Variants in NDUFAF1 observed in about 807,000 individuals in gnomAD.
NDUFAF1 encodes the protein complex I intermediate-associated protein 30, mitochondrial.
NDUFAF1 carries 18 observed loss-of-function variants against 28.7 expected under a neutral mutation model. The observed-to-expected ratio is 0.63, with a 90% CI of 0.43 to 0.93. The LOEUF is 0.93. Ranked by LOEUF, NDUFAF1 falls within the 40% of genes least tolerant of loss-of-function variation. The probability of loss-of-function intolerance (pLI) is 0.00; values close to 1 mark genes in which losing one functional copy is unlikely to be tolerated. For synonymous variants in NDUFAF1, 113 were observed against 139.7 expected, an observed-to-expected ratio of 0.81 and a Z score of 1.35; for missense variants, 404 against 398.3, an observed-to-expected ratio of 1.01 and a Z score of -0.12.
At position 41,400,369 on chromosome 15, in the gene NDUFAF1, C is replaced by CAA. The variant is rs1179539276; in HGVS notation, c.-82+1773_-82+1774dup. 3.9e-3 allele frequency among the ~76,000 whole-genome samples: 355 copies of CAA among 91,814 alleles called. 1 individual carries two copies. The highest frequency in any genetic ancestry group is 0.013 in the African/African-American group (334 of 25,878). 60.2% of individuals were successfully genotyped at this position (91,814 alleles called of 152,430 possible). On this transcript the variant is annotated intron_variant, in intron 1 of 4. Transcript: ENST00000260361. ...GGGCAACAAGAGCAAAATTCCATCT[C>CAA]AAAAAAAAAAAAAAAAAAATAGAGA... is the stretch of plus-strand genomic sequence containing the variant.
chr15:41,392,331 C>A (rs1195693781), intron 3 of NDUFAF1, among the ~76,000 whole-genome samples: 1 of 152,100 alleles, frequency 6.6e-6, no homozygotes. Flanking sequence ...ATCTCAGCCT[C>A]CCAAAGTGCT....
chr15:41,390,553 G>A (rs1001991179), intron 3 of NDUFAF1, among the ~76,000 whole-genome samples: 4 of 151,604 alleles, frequency 2.6e-5, no homozygotes, highest in African/African-American at 7.3e-5. Flanking sequence ...GCGAAACCCC[G>A]TCTCTACTAA....
At chr15:41,403,004 A>G (rs2050485928), upstream of NDUFAF1, among the ~76,000 whole-genome samples, 1 of 151,764 alleles carries the variant, frequency 6.6e-6, no homozygotes. Context: ...TGCTGAGATT[A>G]CAGGCGCGAG....
intron 2 of NDUFAF1, among the ~76,000 whole-genome samples, chr15:41,395,707 T>C (rs1210903827): frequency 1.8e-5 from 2 of 110,440 alleles, no homozygotes; most frequent in Non-Finnish European, 3.6e-5. Context: ...AAAGTTTCGC[T>C]CTTGTTGCCC....
chr15:41,402,202 G>A lies in NDUFAF1; in HGVS notation c.-140C>T, dbSNP rs886051144. ...ACGGCTCACAACAATCCTGAGAGAG[G>A]TACTATTATTATTTCAATTATAGAG... On this transcript the variant is annotated 5_prime_UTR_variant, in exon 1 of 5. Transcript: ENST00000260361. 14 of 453,914 alleles carry A rather than the reference G, an allele frequency of 3.1e-5. No homozygotes were observed. Among genetic ancestry groups the A allele is most frequent in the Non-Finnish European group, 5.7e-5 (13 of 226,776 alleles). 28.1% of individuals were successfully genotyped at this position (453,914 alleles called of 1,614,324 possible).
At chr15:41,395,616 C>T (rs2050376139) in intron 2 of NDUFAF1, among the ~76,000 whole-genome samples, 1 of 151,492 alleles carries the variant, frequency 6.6e-6, no homozygotes, top group African/African-American at 2.4e-5. Context: ...GTGATCCGCC[C>T]ACCTTGGCCA....
Position 41,396,820 on chromosome 15 carries a change from A to AAT in NDUFAF1, c.239_240insAT (p.Ser81LeufsTer18). 6.2e-7 allele frequency: 1 copy of AAT among 1,614,208 alleles called. No individual in the cohort carries two copies. Among genetic ancestry groups the AAT allele is most frequent in the Middle Eastern group, 1.6e-4 (1 of 6,062 alleles). The stretch of plus-strand genomic sequence containing the variant: ...CATCTCTAATTGCTTTATCGAAACT[A>AAT]ACATCAGGCTTCTCCTCAGAAGAAG... On this transcript the variant is annotated frameshift_variant, in exon 2 of 5. Coordinates refer to ENST00000260361, the MANE Select transcript of NDUFAF1 (RefSeq NM_016013.4). LOFTEE classifies it high-confidence loss of function.
At position 41,387,494 on chromosome 15, in the gene NDUFAF1, C is replaced by G. The variant is rs1406956762; in HGVS notation, c.934G>C (p.Glu312Gln). The change falls in exon 5 of 5, where the codon GAA becomes CAA. Residue 312 changes from glutamate to glutamine, a missense_variant. Transcript: ENST00000260361. ...GVFTDPAHTE[E>Q]FAYENSPELN... is the part of the protein sequence containing the mutation. Reference sequence around the variant, plus strand: ...TCTGGAGAATTTTCATAGGCAAATTCTTCTGTATGAGCTGGATCAGTAAAC... The same window carrying G: ...TCTGGAGAATTTTCATAGGCAAATTGTTCTGTATGAGCTGGATCAGTAAAC... 6.2e-7 allele frequency: 1 copy of G among 1,613,682 alleles called. No individual in the cohort carries two copies. Among genetic ancestry groups the G allele is most frequent in the Admixed American group, 1.7e-5 (1 of 59,994 alleles).
intron 3 of NDUFAF1, among the ~76,000 whole-genome samples, chr15:41,392,560 G>A (rs982532818): frequency 6.6e-6 from 1 of 152,076 alleles, no homozygotes; most frequent in Non-Finnish European, 1.5e-5. Context: ...GTTCTCACAA[G>A]ATCTGATGGT....
At chr15:41,400,422 G>A (rs1008304343) in intron 1 of NDUFAF1, among the ~76,000 whole-genome samples, 24 of 150,632 alleles carry the variant, frequency 1.6e-4, no homozygotes, top group African/African-American at 5.8e-4. Context: ...GCTCAGACGA[G>A]TCTCTAACTC....
intron 1 of NDUFAF1, among the ~76,000 whole-genome samples, chr15:41,400,609 G>A (rs1420199734): frequency 2.3e-4 from 35 of 149,244 alleles, no homozygotes; most frequent in Non-Finnish European, 4.4e-4. Flanking sequence ...TGCAAGCTCC[G>A]CCTCCCGGGT....
At position 41,393,121 on chromosome 15, in the gene NDUFAF1, GTTT is replaced by G. The variant is rs763641971; in HGVS notation, c.759+1735_759+1737del. On this transcript the variant is annotated intron_variant, in intron 3 of 4. Coordinates refer to ENST00000260361, the MANE Select transcript of NDUFAF1 (RefSeq NM_016013.4). ...AGCAAAATGGGGACTTTCTTGTTGAGTTTTTTTTTTTTTTTTTTTTTGAGACGG... is the reference window on the plus strand; with the variant it reads ...AGCAAAATGGGGACTTTCTTGTTGAGTTTTTTTTTTTTTTTTTTGAGACGG... 3.2e-4 allele frequency among the ~76,000 whole-genome samples: 40 copies of G among 123,934 alleles called. No homozygotes were observed. The East Asian group carries it at 8.5e-3, about 26-fold the overall frequency. 81.3% of individuals were successfully genotyped at this position (123,934 alleles called of 152,430 possible). A position where few individuals can be genotyped will look rare whatever the true frequency, so the allele number is the denominator to read the frequency against.
In NDUFAF1 at chr15:41,394,620, C is replaced by CTT. The variant is rs35958824; in HGVS notation, c.759+237_759+238dup. Among the ~76,000 whole-genome samples, 146 of 55,590 alleles carry CTT rather than the reference C, an allele frequency of 2.6e-3. 18 individuals are homozygous for CTT. Among genetic ancestry groups the CTT allele is most frequent in the African/African-American group, 7.1e-3 (85 of 12,050 alleles). The allele number at this position is 55,590 out of a possible 152,430, so 36.5% of individuals were successfully genotyped here. A position where few individuals can be genotyped will look rare whatever the true frequency, so the allele number is the denominator to read the frequency against. On this transcript the variant is annotated intron_variant, in intron 3 of 4. Transcript: ENST00000260361. ...TACAATGTAACAATCATCTCCAAGA[C>CTT]TTTTTTTTTTTTTTTTTTTTTTTTT...
intron 3 of NDUFAF1, among the ~76,000 whole-genome samples, chr15:41,391,717 T>C (rs1223305076): frequency 6.6e-6 from 1 of 152,068 alleles, no homozygotes; most frequent in South Asian, 2.1e-4. Context: ...TGATAAGTTC[T>C]ATGAAGAAAG....
intron 3 of NDUFAF1, chr15:41,394,313 TG>T (rs1263968497): frequency 1.7e-5 from 21 of 1,272,196 alleles, no homozygotes; most frequent in Non-Finnish European, 2.1e-5. Flanking sequence ...GGATTACAGG[TG>T]TGAGCCACCA....
intron 1 of NDUFAF1, among the ~76,000 whole-genome samples, chr15:41,399,392 TA>T (rs750171805): frequency 0.011 from 1,315 of 118,614 alleles, 2 homozygotes; most frequent in African/African-American, 0.022. Flanking sequence ...TGACTCCAAC[TA>T]AAAAAAAAAA....
intron 1 of NDUFAF1, 81 bp from the exon 2 acceptor site, chr15:41,397,221 T>G: frequency 1.6e-6 from 1 of 627,562 alleles, no homozygotes; most frequent in East Asian, 2.7e-5. Context: ...AATCAGGTAT[T>G]TTGAAGTTTG....
intron 3 of NDUFAF1, among the ~76,000 whole-genome samples, chr15:41,389,963 A>G (rs2140910162): frequency 6.6e-6 from 1 of 152,044 alleles, no homozygotes; most frequent in Non-Finnish European, 1.5e-5. Flanking sequence ...TTAAGAAAAA[A>G]AAATTTTTTT....
intron 3 of NDUFAF1, among the ~76,000 whole-genome samples, chr15:41,390,060 C>T (rs2050298385): frequency 6.6e-6 from 1 of 151,966 alleles, no homozygotes; most frequent in South Asian, 2.1e-4. Context: ...ACCTCCCAGG[C>T]TCAAGCAATC....
Sources: gnomAD v4.1 joint callset for allele counts (sites outside exome capture counted in the v4.1 genomes callset) on GRCh38, gnomAD v4.1.1 for gene constraint, MANE v1.5 for transcripts, NCBI Gene and HGNC (gene_info 2026-07-23, HGNC 2026-07-21) for gene names.